The following OXR1 variants were observed in gnomAD, a reference collection of about 807,000 sequenced individuals.
The protein encoded by OXR1 is oxidation resistance 1.
In OXR1, 41 loss-of-function variants were observed where a neutral mutation model predicts 104.6. The ratio of observed to expected loss-of-function variants is 0.39; its 90% confidence interval spans 0.31 to 0.51. OXR1 has a LOEUF of 0.51. Ranked by LOEUF, OXR1 falls within the 20% of genes least tolerant of loss-of-function variation. The pLI, the probability that OXR1 is intolerant of heterozygous loss-of-function variation, is 0.77. For missense variants in OXR1, 955 were observed against 1,031.9 expected (o/e 0.93, Z 1.02); for synonymous variants, 348 against 348.4 (o/e 1.00, Z 0.01).
intron 1 of OXR1, among the ~76,000 whole-genome samples, chr8:106,346,935 C>T (rs566389582): frequency 2.0e-5 from 3 of 152,182 alleles, no homozygotes; most frequent in South Asian, 2.1e-4. Flanking sequence ...CCCAGCTACT[C>T]GGGAGGCTGA....
intron 1 of OXR1, among the ~76,000 whole-genome samples, chr8:106,352,966 T>TA (rs1162918607): frequency 6.6e-6 from 1 of 152,224 alleles, no homozygotes; most frequent in Non-Finnish European, 1.5e-5. Flanking sequence ...CCCCCTCTTT[T>TA]AAAATCTTGT....
At chr8:106,670,992 C>A (rs757450979) in intron 3 of OXR1, among the ~76,000 whole-genome samples, 2 of 139,150 alleles carry the variant, frequency 1.4e-5, no homozygotes, top group Non-Finnish European at 3.0e-5. Context: ...TTATAGTGAG[C>A]CAAAATTGCA....
At chr8:106,627,160 C>T (rs1163932001) in intron 3 of OXR1, among the ~76,000 whole-genome samples, 1 of 152,102 alleles carries the variant, frequency 6.6e-6, no homozygotes, top group East Asian at 1.9e-4. Context: ...AGTGATATTT[C>T]AAAAGAAAAC....
chr8:106,681,182 G>A (rs1387805404), intron 4 of OXR1, among the ~76,000 whole-genome samples: 1 of 152,104 alleles, frequency 6.6e-6, no homozygotes, highest in Non-Finnish European at 1.5e-5. Flanking sequence ...ATCACTGTGA[G>A]AATAAAATGT....
intron 2 of OXR1, among the ~76,000 whole-genome samples, chr8:106,505,166 T>C (rs1403992797): frequency 1.3e-5 from 2 of 152,214 alleles, no homozygotes; most frequent in Non-Finnish European, 2.9e-5. Flanking sequence ...GACAGTAATT[T>C]CTTGCGAAAG....
chr8:106,524,917 A>G (rs1813541605), intron 3 of OXR1, among the ~76,000 whole-genome samples: 2 of 152,100 alleles, frequency 1.3e-5, no homozygotes, highest in Admixed American at 1.3e-4. Context: ...CACCCTCACC[A>G]TCCTCCTCTG....
intron 2 of OXR1, among the ~76,000 whole-genome samples, chr8:106,490,237 G>A (rs1197167167): frequency 2.0e-5 from 3 of 152,124 alleles, no homozygotes; most frequent in Admixed American, 2.0e-4. Flanking sequence ...AGCCACTGAT[G>A]GATTAGAGTG....
At chr8:106,590,863 T>C (rs965652409) in intron 3 of OXR1, among the ~76,000 whole-genome samples, 5 of 152,188 alleles carry the variant, frequency 3.3e-5, no homozygotes, top group African/African-American at 9.7e-5. Flanking sequence ...AGCTGATTGA[T>C]GTGTTCACCC....
intron 3 of OXR1, among the ~76,000 whole-genome samples, chr8:106,581,748 G>A (rs1390402389): frequency 6.6e-6 from 1 of 151,894 alleles, no homozygotes; most frequent in African/African-American, 2.4e-5. Context: ...TCAGGGCCAG[G>A]CACAATGGCT....
intron 3 of OXR1, among the ~76,000 whole-genome samples, chr8:106,570,147 T>C (rs911245434): frequency 1.3e-5 from 2 of 152,220 alleles, no homozygotes; most frequent in African/African-American, 2.4e-5. Context: ...TATCCAGTAG[T>C]GCTTCCTTAT....
intron 2 of OXR1, among the ~76,000 whole-genome samples, chr8:106,415,725 A>G (rs1199436233): frequency 6.6e-6 from 1 of 152,134 alleles, no homozygotes; most frequent in African/African-American, 2.4e-5. Context: ...TATTGCTTAC[A>G]TAGTCATAAA....
At chr8:106,437,742 G>A (rs997593650) in intron 2 of OXR1, among the ~76,000 whole-genome samples, 8 of 152,086 alleles carry the variant, frequency 5.3e-5, no homozygotes, top group African/African-American at 1.7e-4. Flanking sequence ...TTTTCATGCT[G>A]AATGCAATAG....
At chr8:106,411,594 C>A (rs1818460006) in intron 2 of OXR1, among the ~76,000 whole-genome samples, 1 of 152,150 alleles carries the variant, frequency 6.6e-6, no homozygotes, top group African/African-American at 2.4e-5. Flanking sequence ...TAGATGACAC[C>A]TACTTTCTGC....
At chr8:106,740,898 G>A (rs1834866563) in intron 14 of OXR1, among the ~76,000 whole-genome samples, 1 of 152,080 alleles carries the variant, frequency 6.6e-6, no homozygotes, top group Admixed American at 6.5e-5. Context: ...CAGAACAAAA[G>A]CACAAATAAG....
chr8:106,333,189 T>C (rs1344275031), intron 1 of OXR1, among the ~76,000 whole-genome samples: 1 of 152,114 alleles, frequency 6.6e-6, no homozygotes. Context: ...ATATGATAAC[T>C]CTACCTTTGA....
At position 106,270,262 on chromosome 8, in the gene OXR1, A is replaced by G. The variant is rs2130451450; in HGVS notation, c.-244A>G. 2 of 152,010 alleles carry G rather than the reference A, an allele frequency of 1.3e-5. No homozygotes were observed. Among genetic ancestry groups the G allele is most frequent in the South Asian group, 4.1e-4 (2 of 4,834 alleles). 9.4% of individuals were successfully genotyped at this position (152,010 alleles called of 1,614,324 possible). A position where few individuals can be genotyped will look rare whatever the true frequency, so the allele number is the denominator to read the frequency against. On this transcript the variant is annotated 5_prime_UTR_variant, in exon 1 of 17. Coordinates refer to ENST00000517566, the MANE Select transcript of OXR1 (RefSeq NM_001198533.2). ...CTGAGCCCATTCACCTCGCGGCCAC[A>G]GGAGCTCAGCGCCGGCGCCGCGCCG...
intron 2 of OXR1, among the ~76,000 whole-genome samples, chr8:106,405,245 GCTCA>G (rs1818191088): frequency 1.7e-5 from 2 of 114,670 alleles, no homozygotes; most frequent in African/African-American, 7.1e-5. Flanking sequence ...GTGTGTATAG[GCTCA>G]TGTGATTATG....
At chr8:106,419,700 T>C (rs1055782462) in intron 2 of OXR1, among the ~76,000 whole-genome samples, 2 of 152,162 alleles carry the variant, frequency 1.3e-5, no homozygotes, top group Non-Finnish European at 2.9e-5. Context: ...TCTTTGTTTC[T>C]TATTTGGGCA....
intron 3 of OXR1, among the ~76,000 whole-genome samples, chr8:106,650,845 T>C (rs1824508847): frequency 6.6e-6 from 1 of 152,228 alleles, no homozygotes; most frequent in Non-Finnish European, 1.5e-5. Context: ...AAAAATACTT[T>C]TCTCAAGATT....
Sources: allele counts gnomAD v4.1 joint callset (sites outside exome capture counted in the v4.1 genomes callset), GRCh38; gene constraint gnomAD v4.1.1; transcripts MANE v1.5; gene names NCBI Gene and HGNC (gene_info 2026-07-23, HGNC 2026-07-21).